Variants in RPS29 observed in about 807,000 individuals in gnomAD.
RPS29 encodes the protein ribosomal protein S29.
For missense variants in RPS29, 60 were observed against 75.7 expected (o/e 0.79, Z 0.77); for synonymous variants, 37 against 26.9 (o/e 1.37, Z -1.16).
intron 1 of RPS29, chr14:49,592,412 G>A (rs2139521044): frequency 6.9e-6 from 1 of 144,778 alleles, no homozygotes; most frequent in South Asian, 2.2e-4. Flanking sequence ...TTGTTGCCCA[G>A]GCTGAAGTGC....
At chr14:49,575,185 C>G (rs1448162623) in exon 3 of RPS29, 1 of 152,424 alleles carries the variant, frequency 6.6e-6, no homozygotes, top group Non-Finnish European at 1.5e-5. Flanking sequence ...AGATTACAGG[C>G]ACTCGCCACC....
At chr14:49,583,346 C>T (rs1881399746), downstream of RPS29, among the ~76,000 whole-genome samples, 1 of 152,014 alleles carries the variant, frequency 6.6e-6, no homozygotes, top group African/African-American at 2.4e-5. Context: ...GTCAAGAGAT[C>T]GAGACCATCC....
At chr14:49,594,065 A>T (rs1881770736) in intron 1 of RPS29, among the ~76,000 whole-genome samples, 1 of 152,222 alleles carries the variant, frequency 6.6e-6, no homozygotes, top group African/African-American at 2.4e-5. Context: ...AGAGAATTGA[A>T]GTAAAATATC....
chr14:49,574,099 A>C (rs1418372429), exon 3 of RPS29: 1 of 152,198 alleles, frequency 6.6e-6, no homozygotes, highest in Non-Finnish European at 1.5e-5. Context: ...TAAAATAATG[A>C]GATATTACTC....
chr14:49,587,539 G>C (rs1383529787), upstream of RPS29, among the ~76,000 whole-genome samples: 2 of 152,158 alleles, frequency 1.3e-5, no homozygotes, highest in African/African-American at 4.8e-5. Flanking sequence ...GGTTCTAGTG[G>C]GGTCCCCCTA....
chr14:49,581,561 C>G (rs960635830), downstream of RPS29, among the ~76,000 whole-genome samples: 4 of 152,170 alleles, frequency 2.6e-5, no homozygotes, highest in Non-Finnish European at 5.9e-5. Context: ...ACAAGCCTCC[C>G]AAGTAGCTAG....
At chr14:49,576,427 T>C (rs1175490212) in exon 3 of RPS29, 1 of 152,118 alleles carries the variant, frequency 6.6e-6, no homozygotes, top group South Asian at 2.1e-4. Context: ...TTTGTCAATA[T>C]TGAGGAAATT....
downstream of RPS29, among the ~76,000 whole-genome samples, chr14:49,582,036 T>C (rs1457265529): frequency 1.7e-5 from 2 of 119,504 alleles, 1 homozygote; most frequent in South Asian, 4.5e-4. Context: ...AAAAAAAAAC[T>C]TAGTGACTAT....
chr14:49,579,898 T>C (rs982398381), downstream of RPS29, among the ~76,000 whole-genome samples: 3 of 152,182 alleles, frequency 2.0e-5, no homozygotes, highest in African/African-American at 4.8e-5. Flanking sequence ...TGGGAGACCT[T>C]GGGGAAATTA....
At position 49,586,311 on chromosome 14, in the gene RPS29, T is replaced by C; in HGVS notation, c.36A>G (p.Arg12=). The C allele has an allele frequency of 1.2e-6, 2 of 1,614,004 alleles. No homozygotes were observed. The highest frequency in any genetic ancestry group is 8.5e-7 in the Non-Finnish European group (1 of 1,179,870). The change falls in exon 1 of 3, where the codon CGA becomes CGG. Residue 12 remains arginine, a synonymous_variant. Transcript: ENST00000245458. The part of the protein sequence containing the change: ...GHQQLYWSHP[R]KFGQGSRSCR... ...AAGAGCGAGAACCCTGGCCGAATTT[T>C]CGCGGGTGGCTCCAGTACAGCTGCT... is the stretch of plus-strand genomic sequence containing the variant.
At chr14:49,582,012 C>CCAAAAAA (rs71115379), downstream of RPS29, among the ~76,000 whole-genome samples, 552 of 106,188 alleles carry the variant, frequency 5.2e-3, 1 homozygote, top group Middle Eastern at 9.3e-3. Context: ...CCCTGCCCCC[C>CCAAAAAA]AAAAAAAAAA....
At chr14:49,582,503 C>T (rs1230565902), downstream of RPS29, among the ~76,000 whole-genome samples, 2 of 152,166 alleles carry the variant, frequency 1.3e-5, no homozygotes, top group Admixed American at 6.5e-5. Flanking sequence ...CCTCTTTTAA[C>T]CTGCTTTTTT....
chr14:49,583,443 T>C (rs111654782), downstream of RPS29: 25 of 391,414 alleles, frequency 6.4e-5, no homozygotes, highest in East Asian at 2.0e-4. Context: ...TGAACCTAGG[T>C]TGCAGTGAGC....
chr14:49,583,273 G>C (rs1029718037), downstream of RPS29, among the ~76,000 whole-genome samples: 1 of 152,158 alleles, frequency 6.6e-6, no homozygotes, highest in Non-Finnish European at 1.5e-5. Flanking sequence ...ATTTCTTGCC[G>C]GGTGCGGTGG....
chr14:49,597,304 G>A lies in RPS29; in HGVS notation c.-133+1096C>T, dbSNP rs142507007. Reference sequence around the variant, plus strand: ...AACTTCTGGGCTAAGCGATCCTCCTGCCTCGAGCCTCCCAAATTGTTGGGC... The same window carrying A: ...AACTTCTGGGCTAAGCGATCCTCCTACCTCGAGCCTCCCAAATTGTTGGGC... On this transcript the variant is annotated intron_variant, in intron 1 of 3. Coordinates refer to the RPS29 transcript ENST00000556230. Among the ~76,000 whole-genome samples the A allele has an allele frequency of 5.9e-4, 89 of 152,078 alleles. 2 individuals carry two copies. In the East Asian group the frequency reaches 0.017, roughly 28 times the overall value.
At chr14:49,587,074 A>G (rs1161498532), upstream of RPS29, among the ~76,000 whole-genome samples, 1 of 152,224 alleles carries the variant, frequency 6.6e-6, no homozygotes, top group African/African-American at 2.4e-5. Context: ...ATCACGAGTC[A>G]ACGGTAGGGT....
At chr14:49,584,058 T>C (rs971359686) in intron 2 of RPS29, among the ~76,000 whole-genome samples, 4 of 152,206 alleles carry the variant, frequency 2.6e-5, no homozygotes, top group African/African-American at 7.2e-5. Context: ...CTCCACTCAC[T>C]GCAACCTCAG....
chr14:49,584,401 G>C (rs995234735), intron 2 of RPS29, among the ~76,000 whole-genome samples: 6 of 152,334 alleles, frequency 3.9e-5, no homozygotes, highest in African/African-American at 1.4e-4. Flanking sequence ...TGAAGTATTT[G>C]CTCAGGGCTG....
downstream of RPS29, among the ~76,000 whole-genome samples, chr14:49,580,675 C>T (rs932472216): frequency 3.3e-5 from 5 of 152,110 alleles, no homozygotes; most frequent in Non-Finnish European, 5.9e-5. Flanking sequence ...AGTTCAAAAG[C>T]AGCCTGGCCA....
Sources: allele counts gnomAD v4.1 joint callset (sites outside exome capture counted in the v4.1 genomes callset), GRCh38; gene constraint gnomAD v4.1.1; transcripts MANE v1.5; gene names NCBI Gene and HGNC (gene_info 2026-07-23, HGNC 2026-07-21).